The following PCDHA3 variants were observed in gnomAD, a reference collection of about 807,000 sequenced individuals.
PCDHA3 encodes the protein protocadherin alpha-3.
PCDHA3 carries 41 observed loss-of-function variants against 62.2 expected under a neutral mutation model. That is an observed-to-expected ratio of 0.66 (90% CI 0.51 to 0.86). The LOEUF (loss-of-function observed/expected upper bound fraction) is 0.86. Among genes scored for constraint, PCDHA3 ranks in the 40% least tolerant of loss-of-function variants. The pLI is 0.00. For missense variants in PCDHA3, 1,304 were observed against 1,241.2 expected, an observed-to-expected ratio of 1.05 and a Z score of -0.76; for synonymous variants, 640 against 555.4, an observed-to-expected ratio of 1.15 and a Z score of -2.14.
chr5:140,886,043 T>C (rs977275136), intron 1 of PCDHA3, among the ~76,000 whole-genome samples: 3 of 152,168 alleles, frequency 2.0e-5, no homozygotes, highest in Admixed American at 6.5e-5. Context: ...TTTTCCCCAA[T>C]AGTAACATCT....
chr5:140,938,226 A>G lies in PCDHA3; in HGVS notation c.2395-40723A>G, dbSNP rs529190111. On this transcript the variant is annotated intron_variant, in intron 1 of 3. Transcript: ENST00000522353. ...CTCCCAAAGTGCTGGGATTACAGGC[A>G]TAGGCCACCATGCCTGGTCTTTTAA... Among the ~76,000 whole-genome samples the G allele has an allele frequency of 3.3e-5, 5 of 152,330 alleles. No individual in the cohort carries two copies. In the South Asian group the frequency reaches 1.0e-3, roughly 32 times the overall value.
Position 140,877,055 on chromosome 5 carries a change from T to C in PCDHA3, c.2394+73464T>C, listed in dbSNP as rs566250084. 7 of 1,612,792 alleles carry C rather than the reference T, an allele frequency of 4.3e-6. No homozygotes were observed. The Admixed American group carries it at 5.0e-5, about 12-fold the overall frequency. On this transcript the variant is annotated intron_variant, in intron 1 of 3. Coordinates refer to ENST00000522353, the MANE Select transcript of PCDHA3 (RefSeq NM_018906.3). ...CTGCAGCCGCTAGACCACGAGGAGC[T>C]GGAGCTGCTGCAGTTCCAGGTGAGC... is the stretch of plus-strand genomic sequence containing the variant.
intron 1 of PCDHA3, chr5:140,966,850 C>A: frequency 6.4e-7 from 1 of 1,572,900 alleles, no homozygotes; most frequent in Non-Finnish European, 8.6e-7. Flanking sequence ...TACTGCCTCT[C>A]CTGCTGCTGT....
At chr5:140,836,213 G>T in intron 1 of PCDHA3, 4 of 1,613,848 alleles carry the variant, frequency 2.5e-6, no homozygotes, top group Non-Finnish European at 2.5e-6. Flanking sequence ...TTTCGTATGA[G>T]TTGCAACCGG....
intron 1 of PCDHA3, chr5:140,968,991 G>A: frequency 6.2e-7 from 1 of 1,614,208 alleles, no homozygotes; most frequent in East Asian, 2.2e-5. Context: ...ACTGCATGCT[G>A]TGGAGGCTTC....
At chr5:140,827,714 T>G (rs1554130865) in intron 1 of PCDHA3, among the ~76,000 whole-genome samples, 1 of 152,242 alleles carries the variant, frequency 6.6e-6, no homozygotes, top group African/African-American at 2.4e-5. Flanking sequence ...CAAATATTGG[T>G]AGAAAAGTTG....
chr5:140,950,581 C>T (rs1158445917), intron 1 of PCDHA3, among the ~76,000 whole-genome samples: 2 of 151,860 alleles, frequency 1.3e-5, no homozygotes, highest in Non-Finnish European at 2.9e-5. Flanking sequence ...TTCTACTTAC[C>T]TTTGGTTTAG....
In PCDHA3 at chr5:140,877,360, G is replaced by A. The variant is rs199937567; in HGVS notation, c.2394+73769G>A. Reference sequence around the variant, plus strand: ...GTTCCACGTGGGGCTGTACACTGGCGAGATCAGCACGACACGCATCCTGGA... The same window carrying A: ...GTTCCACGTGGGGCTGTACACTGGCAAGATCAGCACGACACGCATCCTGGA... On this transcript the variant is annotated intron_variant, in intron 1 of 3. Coordinates refer to ENST00000522353, the MANE Select transcript of PCDHA3 (RefSeq NM_018906.3). 63 of 1,614,022 alleles carry A rather than the reference G, an allele frequency of 3.9e-5. No individual in the cohort carries two copies. The highest frequency in any genetic ancestry group is 6.7e-5 in the Admixed American group (4 of 60,028).
intron 1 of PCDHA3, chr5:140,870,538 C>T (rs539269989): frequency 6.2e-7 from 1 of 1,614,154 alleles, no homozygotes; most frequent in African/African-American, 1.3e-5. Flanking sequence ...AGTGTCGGCG[C>T]GGGACGCGGA....
rs1051787265 is a variant in PCDHA3 at position 140,857,050 on chromosome 5, G to A, written c.2394+53459G>A. On this transcript the variant is annotated intron_variant, in intron 1 of 3. Transcript: ENST00000522353. ...ACCCACCTATGGTTGGTCACTGCAC[G>A]GTCCTAGTGGAACTACTGGATGAAA... is the stretch of plus-strand genomic sequence containing the variant. 1.3e-5 allele frequency: 20 copies of A among 1,595,508 alleles called. 1 individual carries two copies. The highest frequency in any genetic ancestry group is 1.7e-5 in the Non-Finnish European group (20 of 1,165,320).
intron 1 of PCDHA3, chr5:140,875,799 C>T (rs781911910): frequency 5.6e-6 from 9 of 1,614,014 alleles, no homozygotes. Flanking sequence ...TGGAGGTGAT[C>T]GTGGACAGGC....
chr5:140,928,785 G>A, intron 1 of PCDHA3: 1 of 1,614,144 alleles, frequency 6.2e-7, no homozygotes, highest in Middle Eastern at 1.6e-4. Context: ...ATGCAGTTAA[G>A]CAGAGGGTGG....
At chr5:140,863,723 G>A (rs1013591731) in intron 1 of PCDHA3, 3 of 271,432 alleles carry the variant, frequency 1.1e-5, no homozygotes, top group African/African-American at 4.4e-5. Context: ...GGCCGGGTGC[G>A]GTAGCTCATG....
chr5:140,966,934 G>T, intron 1 of PCDHA3: 1 of 1,604,080 alleles, frequency 6.2e-7, no homozygotes, highest in Non-Finnish European at 8.5e-7. Context: ...CACCCGGCGC[G>T]CTCGTGGGCA....
intron 1 of PCDHA3, chr5:140,857,533 G>T: frequency 6.3e-7 from 1 of 1,597,578 alleles, no homozygotes. Flanking sequence ...CTCTGGTGGA[G>T]CGGCGGTTGG....
At chr5:140,825,684 A>AGT in intron 1 of PCDHA3, 1 of 152,240 alleles carries the variant, frequency 6.6e-6, no homozygotes, top group Non-Finnish European at 1.5e-5. Flanking sequence ...GGCCTCCCAA[A>AGT]GTGCTGGGAT....
chr5:140,802,601 C>T lies in PCDHA3; in HGVS notation c.1404C>T (p.Asn468=), dbSNP rs782521904. ...ACACGGTGTTCGTGAAGGAGAACAA[C>T]CCGCCGGGCTGCCACATCTTCACGG... ...SEYTVFVKEN[N]PPGCHIFTVS... Residue 468 remains asparagine, a synonymous_variant, in exon 1 of 4, where the codon AAC becomes AAT. Transcript: ENST00000522353. 5.6e-6 allele frequency: 9 copies of T among 1,613,982 alleles called. No individual in the cohort carries two copies. The highest frequency in any genetic ancestry group is 2.2e-5 in the East Asian group (1 of 44,900).
chr5:140,886,012 T>C (rs1363937487), intron 1 of PCDHA3, among the ~76,000 whole-genome samples: 1 of 152,190 alleles, frequency 6.6e-6, no homozygotes, highest in Non-Finnish European at 1.5e-5. Context: ...TAAAGGGAGA[T>C]GCTATGTATT....
intron 1 of PCDHA3, chr5:140,835,703 C>T (rs2150242433): frequency 2.5e-6 from 4 of 1,613,784 alleles, no homozygotes; most frequent in African/African-American, 2.7e-5. Flanking sequence ...CCACTGCTAG[C>T]GTGTCCGTGG....
Sources: gnomAD v4.1 joint callset for allele counts (sites outside exome capture counted in the v4.1 genomes callset) on GRCh38, gnomAD v4.1.1 for gene constraint, MANE v1.5 for transcripts, NCBI Gene and HGNC (gene_info 2026-07-23, HGNC 2026-07-21) for gene names.